The following GLRA3 variants were observed in gnomAD, a reference collection of about 807,000 sequenced individuals.
GLRA3 encodes the protein glycine receptor alpha 3, also known as glycine receptor subunit alpha-3.
In GLRA3, 44 loss-of-function variants were observed where a neutral mutation model predicts 60.4. The ratio of observed to expected loss-of-function variants is 0.73; its 90% CI spans 0.57 to 0.94. The LOEUF is 0.94. GLRA3 is among the 40% of genes least tolerant of loss of function. The pLI is 0.00. For missense variants in GLRA3, 508 were observed against 564.6 expected (o/e 0.90, Z 1.02); for synonymous variants, 223 against 192.9 (o/e 1.16, Z -1.29).
chr4:174,728,779 A>G, intron 3 of GLRA3, 81 bp from the exon 4 acceptor site: 1 of 831,672 alleles, frequency 1.2e-6, no homozygotes, highest in Non-Finnish European at 1.9e-6. Flanking sequence ...TGTGGTGCCA[A>G]GGCAGGCTCA....
chr4:174,726,965 G>A (rs1369561824), intron 4 of GLRA3, among the ~76,000 whole-genome samples: 1 of 152,068 alleles, frequency 6.6e-6, no homozygotes, highest in East Asian at 1.9e-4. Context: ...GCTTATTAGT[G>A]GTGGAACCTG....
intron 5 of GLRA3, among the ~76,000 whole-genome samples, chr4:174,696,699 C>T (rs74912892): frequency 4.9e-4 from 75 of 151,934 alleles, no homozygotes; most frequent in African/African-American, 1.7e-3. Context: ...GAGCTTGGTA[C>T]AAAAATGTTT....
intron 5 of GLRA3, among the ~76,000 whole-genome samples, chr4:174,707,782 G>A (rs1383984014): frequency 1.1e-4 from 17 of 152,080 alleles, no homozygotes; most frequent in Admixed American, 9.8e-4. Flanking sequence ...AAATCATATC[G>A]TTTTCTCTGT....
At chr4:174,795,193 A>G (rs1739516519) in intron 1 of GLRA3, among the ~76,000 whole-genome samples, 1 of 152,006 alleles carries the variant, frequency 6.6e-6, no homozygotes, top group Admixed American at 6.6e-5. Flanking sequence ...ACCTTTTATC[A>G]CTAACATAGA....
chr4:174,828,880 TGAAAATGTACAATCTAA>T lies in GLRA3; in HGVS notation c.-86_-70del. On this transcript the variant is annotated 5_prime_UTR_variant, in exon 1 of 10. An upstream open reading frame in the 5' UTR loses its in-frame stop. Coordinates refer to ENST00000274093, the MANE Select transcript of GLRA3 (RefSeq NM_006529.4). Reference sequence around the variant, plus strand: ...GGCATGGGGAACCAGAAAGACAGAATGAAAATGTACAATCTAACCCCGCATGGTGTTGGTGTAGACTG... The same window carrying T: ...GGCATGGGGAACCAGAAAGACAGAATCCCCGCATGGTGTTGGTGTAGACTG... 1 of 1,082,538 alleles carries T rather than the reference TGAAAATGTACAATCTAA, an allele frequency of 9.2e-7. No homozygotes were observed. The highest frequency in any genetic ancestry group is 2.4e-5 in the East Asian group (1 of 42,396). 67.1% of individuals were successfully genotyped at this position (1,082,538 alleles called of 1,614,324 possible). A position where few individuals can be genotyped will look rare whatever the true frequency, so the allele number is the denominator to read the frequency against.
chr4:174,667,664 C>T (rs146380681), intron 7 of GLRA3, among the ~76,000 whole-genome samples: 5 of 152,224 alleles, frequency 3.3e-5, no homozygotes, highest in Non-Finnish European at 5.9e-5. Flanking sequence ...AGAGTAAAGA[C>T]AGGCAGTCTG....
chr4:174,742,492 A>G (rs1737066007), intron 3 of GLRA3, among the ~76,000 whole-genome samples: 1 of 152,188 alleles, frequency 6.6e-6, no homozygotes, highest in South Asian at 2.1e-4. Context: ...AATATGTTGC[A>G]TTCTGAATCA....
intron 2 of GLRA3, among the ~76,000 whole-genome samples, chr4:174,777,827 T>A (rs1167528939): frequency 2.0e-5 from 3 of 152,302 alleles, no homozygotes; most frequent in Middle Eastern, 3.4e-3. Context: ...CACTTTCCAA[T>A]CAATTATTCT....
In GLRA3 at chr4:174,642,906, A is replaced by G. The variant is rs76744992; in HGVS notation, c.*880T>C. 1.9e-3 allele frequency: 1,421 copies of G among 734,952 alleles called. 12 individuals are homozygous for G. In the African/African-American group the frequency reaches 0.024, roughly 13 times the overall value. 45.5% of individuals were successfully genotyped at this position (734,952 alleles called of 1,614,324 possible). A position where few individuals can be genotyped will look rare whatever the true frequency, so the allele number is the denominator to read the frequency against. The stretch of plus-strand genomic sequence containing the variant: ...AAAGTCACATTCTAAACTAAAATAT[A>G]AAAGTCTTACTGAATTTTGTCCTGT... On this transcript the variant is annotated 3_prime_UTR_variant, in exon 10 of 10. Transcript: ENST00000274093.
chr4:174,763,435 C>G (rs1057128117), intron 3 of GLRA3, among the ~76,000 whole-genome samples: 4 of 152,176 alleles, frequency 2.6e-5, no homozygotes, highest in Non-Finnish European at 5.9e-5. Context: ...TTTCTCTTAA[C>G]CAATAAAACC....
chr4:174,720,239 C>T (rs1035708097), intron 4 of GLRA3, among the ~76,000 whole-genome samples: 1 of 152,072 alleles, frequency 6.6e-6, no homozygotes, highest in Admixed American at 6.6e-5. Flanking sequence ...TATTACTATC[C>T]TCTTTTTACA....
chr4:174,810,817 C>T (rs76897840), intron 1 of GLRA3, among the ~76,000 whole-genome samples: 2,097 of 152,146 alleles, frequency 0.014, 55 homozygotes, highest in African/African-American at 0.048. Context: ...ATTCTAAATC[C>T]CTGTAGCAGC....
chr4:174,649,420 A>C (rs976430054), intron 9 of GLRA3, among the ~76,000 whole-genome samples: 9 of 152,322 alleles, frequency 5.9e-5, no homozygotes, highest in African/African-American at 1.9e-4. Context: ...GTGATACATA[A>C]ATGAAGGATC....
At chr4:174,713,819 C>T (rs969648938) in intron 5 of GLRA3, 2 of 152,196 alleles carry the variant, frequency 1.3e-5, no homozygotes, top group African/African-American at 4.8e-5. Flanking sequence ...TTGAACCACT[C>T]TGTATATGGC....
intron 4 of GLRA3, among the ~76,000 whole-genome samples, chr4:174,721,188 C>A (rs980679113): frequency 5.3e-5 from 8 of 152,020 alleles, no homozygotes; most frequent in African/African-American, 9.7e-5. Context: ...GCCACCACGC[C>A]TAGCTAATTT....
intron 4 of GLRA3, among the ~76,000 whole-genome samples, chr4:174,725,103 C>T (rs1255224729): frequency 6.6e-6 from 1 of 152,164 alleles, no homozygotes; most frequent in Non-Finnish European, 1.5e-5. Context: ...TAGCTTCATA[C>T]CCTTTCCCCC....
At chr4:174,648,226 C>T (rs182655265) in intron 9 of GLRA3, among the ~76,000 whole-genome samples, 28 of 152,136 alleles carry the variant, frequency 1.8e-4, no homozygotes, top group African/African-American at 6.5e-4. Flanking sequence ...TTTGAGAGGC[C>T]AAGGCAGGCA....
At chr4:174,692,328 C>T (rs1200941458) in intron 5 of GLRA3, among the ~76,000 whole-genome samples, 2 of 146,014 alleles carry the variant, frequency 1.4e-5, no homozygotes, top group African/African-American at 2.6e-5. Flanking sequence ...GGGGGTCAGC[C>T]CCCCGCTCGG....
chr4:174,685,512 C>T (rs1014793649), intron 5 of GLRA3, among the ~76,000 whole-genome samples: 3 of 152,126 alleles, frequency 2.0e-5, no homozygotes, highest in African/African-American at 4.8e-5. Context: ...GAAGGAAGCA[C>T]GCATCTACAT....
Sources: allele counts gnomAD v4.1 joint callset (sites outside exome capture counted in the v4.1 genomes callset), GRCh38; gene constraint gnomAD v4.1.1; transcripts MANE v1.5; gene names NCBI Gene and HGNC (gene_info 2026-07-23, HGNC 2026-07-21).